Variants in PPP1R9A observed in about 807,000 individuals in gnomAD.
The protein encoded by PPP1R9A is neurabin-1.
A neutral mutation model predicts 141.9 loss-of-function variants in PPP1R9A; 59 were observed. The ratio of observed to expected loss-of-function variants is 0.42; its 90% confidence interval spans 0.34 to 0.52. The LOEUF is 0.52. Ranked by LOEUF, PPP1R9A falls within the 20% of genes least tolerant of loss-of-function variation. PPP1R9A has a pLI of 0.10. For synonymous variants in PPP1R9A, 500 were observed against 569.7 expected (o/e 0.88, Z 1.74); for missense variants, 1,444 against 1,611.9 (o/e 0.90, Z 1.78).
At chr7:95,286,105 G>A in intron 17 of PPP1R9A, 101 bp from the exon 18 acceptor site, 1 of 1,500,558 alleles carries the variant, frequency 6.7e-7, no homozygotes, top group South Asian at 1.3e-5. Flanking sequence ...ATGAATTTCT[G>A]CTAAGATTGT....
At chr7:95,077,609 A>G (rs1815059286) in intron 2 of PPP1R9A, among the ~76,000 whole-genome samples, 1 of 152,210 alleles carries the variant, frequency 6.6e-6, no homozygotes, top group Non-Finnish European at 1.5e-5. Context: ...CCCAATAACA[A>G]AGACAGATTA....
intron 2 of PPP1R9A, among the ~76,000 whole-genome samples, chr7:95,007,933 G>C (rs1416630367): frequency 4.6e-5 from 7 of 152,124 alleles, no homozygotes; most frequent in African/African-American, 1.2e-4. Context: ...TTAGCTGGGC[G>C]TGGTGGTGCA....
At chr7:94,914,274 C>T (rs1420695658) in intron 2 of PPP1R9A, among the ~76,000 whole-genome samples, 1 of 152,114 alleles carries the variant, frequency 6.6e-6, no homozygotes, top group Non-Finnish European at 1.5e-5. Context: ...TCTTATTTAT[C>T]ATCTTTGTAT....
At chr7:95,217,593 C>G in intron 7 of PPP1R9A, among the ~76,000 whole-genome samples, 1 of 152,150 alleles carries the variant, frequency 6.6e-6, no homozygotes, top group South Asian at 2.1e-4. Context: ...GTGAATCCGT[C>G]TGGTCCTGGA....
intron 2 of PPP1R9A, among the ~76,000 whole-genome samples, chr7:94,976,210 A>G (rs1287381696): frequency 6.6e-6 from 1 of 152,202 alleles, no homozygotes; most frequent in Non-Finnish European, 1.5e-5. Context: ...AGGACAGAAA[A>G]CTAAAATACC....
chr7:95,150,107 TAC>T (rs764841767), intron 4 of PPP1R9A, among the ~76,000 whole-genome samples: 10 of 135,344 alleles, frequency 7.4e-5, no homozygotes, highest in Non-Finnish European at 1.4e-4. Context: ...TTAGAGAAAA[TAC>T]AGTCTTTTCA....
At chr7:95,020,041 TATCATCATC>T (rs71125098) in intron 2 of PPP1R9A, among the ~76,000 whole-genome samples, 13,449 of 150,820 alleles carry the variant, frequency 0.089, 646 homozygotes, top group Admixed American at 0.15. Flanking sequence ...GCTATATCAT[TATCATCATC>T]ATCATCATCA....
At chr7:94,944,311 GTTCT>G (rs1199315474) in intron 2 of PPP1R9A, among the ~76,000 whole-genome samples, 1 of 151,944 alleles carries the variant, frequency 6.6e-6, no homozygotes, top group Non-Finnish European at 1.5e-5. Flanking sequence ...TTGATCACCT[GTTCT>G]TTCAGACACC....
At chr7:95,277,861 C>G (rs1317807191) in intron 16 of PPP1R9A, among the ~76,000 whole-genome samples, 1 of 152,210 alleles carries the variant, frequency 6.6e-6, no homozygotes, top group Non-Finnish European at 1.5e-5. Context: ...GAGTAAGTAG[C>G]CACTGATGTC....
chr7:95,063,883 A>G (rs1312486956), intron 2 of PPP1R9A, among the ~76,000 whole-genome samples: 5 of 152,204 alleles, frequency 3.3e-5, no homozygotes, highest in Non-Finnish European at 7.4e-5. Flanking sequence ...TACTCAGAGC[A>G]TAATACTTGT....
chr7:94,985,703 T>C (rs560959273), intron 2 of PPP1R9A, among the ~76,000 whole-genome samples: 2 of 152,300 alleles, frequency 1.3e-5, no homozygotes, highest in South Asian at 2.1e-4. Flanking sequence ...TCCGTCCCTT[T>C]ATTTTGAGCC....
At chr7:95,053,793 C>T (rs1811123026) in intron 2 of PPP1R9A, among the ~76,000 whole-genome samples, 1 of 152,144 alleles carries the variant, frequency 6.6e-6, no homozygotes, top group South Asian at 2.1e-4. Flanking sequence ...CCTCACCAAA[C>T]TTTGGTCTAT....
rs35583144 is a variant in PPP1R9A, at chr7:95,046,080, C to CTTT, written c.1396-65165_1396-65163dup. Among the ~76,000 whole-genome samples, 52 of 124,876 alleles carry CTTT rather than the reference C, an allele frequency of 4.2e-4. 2 individuals carry two copies. Among genetic ancestry groups the CTTT allele is most frequent in the African/African-American group, 1.4e-3 (48 of 33,680 alleles). The allele number at this position is 124,876 out of a possible 152,430, so 81.9% of individuals were successfully genotyped here. On this transcript the variant is annotated intron_variant, in intron 2 of 19. Transcript: ENST00000433360. ...ATTAAGATTAGGTAGTATTTCTTTT[C>CTTT]TTTTTTTTTTTTTTTTGAGACAGAG... is the stretch of plus-strand genomic sequence containing the variant.
chr7:95,226,304 C>T (rs78775371), intron 8 of PPP1R9A, among the ~76,000 whole-genome samples, 188 bp downstream of exon 8: 2,214 of 152,092 alleles, frequency 0.015, 57 homozygotes, highest in African/African-American at 0.05. Context: ...TTGATTTAAA[C>T]GCTTATTTGT....
Position 95,161,855 on chromosome 7 carries a change from C to T in PPP1R9A, c.1650-12C>T. 6.4e-7 allele frequency: 1 copy of T among 1,565,554 alleles called. No homozygotes were observed. Among genetic ancestry groups the T allele is most frequent in the Non-Finnish European group, 8.7e-7 (1 of 1,150,988 alleles). ...TGTAATTTATGTGGGTAATTTTTTC[C>T]TCTTTCTAAAGAATACAAGTCAATG... On this transcript the variant is annotated splice_polypyrimidine_tract_variant and intron_variant, in intron 4 of 19. Coordinates refer to ENST00000433360, the MANE Select transcript of PPP1R9A (RefSeq NM_001166160.2).
intron 2 of PPP1R9A, among the ~76,000 whole-genome samples, chr7:95,102,221 G>A (rs1482676431): frequency 6.6e-6 from 1 of 152,036 alleles, no homozygotes; most frequent in Admixed American, 6.6e-5. Flanking sequence ...TAGAAATATG[G>A]GTCCCAGATT....
At chr7:95,169,614 T>C (rs991820438) in intron 5 of PPP1R9A, among the ~76,000 whole-genome samples, 1 of 152,050 alleles carries the variant, frequency 6.6e-6, no homozygotes, top group South Asian at 2.1e-4. Context: ...TTATACAGTA[T>C]AGCATGTAAG....
rs373223368 is a variant in PPP1R9A, at chr7:95,161,912, G to T, written c.1695G>T (p.Leu565Phe). The T allele has an allele frequency of 1.2e-6, 2 of 1,611,256 alleles. No homozygotes were observed. The highest frequency in any genetic ancestry group is 1.1e-5 in the South Asian group (1 of 90,766). The change falls in exon 5 of 20, where the codon TTG (leucine) becomes TTT (phenylalanine). Residue 565 changes from leucine (L) to phenylalanine (F), a missense_variant. By Grantham distance (22) the Leu-to-Phe change is conservative. Around this residue, in one of 5 missense-constraint regions of PPP1R9A, gnomAD observed 488 missense variants for 542.0 expected, o/e 0.90. Transcript: ENST00000433360. ...DQIVEVDGIS[L>F]VGVTQNFAAT... Reference sequence around the variant, plus strand: ...TTGTGGAAGTGGATGGAATCAGCTTGGTGGGTGTGACACAGAATTTTGCAG... The same window carrying T: ...TTGTGGAAGTGGATGGAATCAGCTTTGTGGGTGTGACACAGAATTTTGCAG...
At chr7:95,041,470 A>T (rs1047023622) in intron 2 of PPP1R9A, among the ~76,000 whole-genome samples, 1 of 152,176 alleles carries the variant, frequency 6.6e-6, no homozygotes, top group Non-Finnish European at 1.5e-5. Context: ...ATGTAAGTGT[A>T]GATTGTTTGA....
Sources: allele counts gnomAD v4.1 joint callset (sites outside exome capture counted in the v4.1 genomes callset), GRCh38; gene constraint gnomAD v4.1.1; regional missense constraint gnomAD v4.1.1; transcripts MANE v1.5; gene names NCBI Gene and HGNC (gene_info 2026-07-23, HGNC 2026-07-21).